The following CD82 variants were observed in gnomAD, a reference collection of about 807,000 sequenced individuals.
The protein encoded by CD82 is CD82 antigen.
A neutral mutation model predicts 37.4 loss-of-function variants in CD82; 36 were observed. The ratio of observed to expected loss-of-function variants is 0.96; its 90% CI spans 0.74 to 1.27. The LOEUF (loss-of-function observed/expected upper bound fraction) is 1.27. CD82 is among the 50% of genes most tolerant of loss of function. CD82 has a pLI of 0.00. For synonymous variants in CD82, 158 were observed against 137.4 expected (o/e 1.15, Z -1.05); for missense variants, 340 against 347.0 (o/e 0.98, Z 0.16).
intron 1 of CD82, among the ~76,000 whole-genome samples, chr11:44,583,730 A>T (rs1853013585): frequency 6.6e-6 from 1 of 152,230 alleles, no homozygotes; most frequent in Non-Finnish European, 1.5e-5. Flanking sequence ...TCTATCTGTT[A>T]AATGGGGATA....
At chr11:44,569,204 G>A (rs537770672) in intron 1 of CD82, among the ~76,000 whole-genome samples, 47 of 152,314 alleles carry the variant, frequency 3.1e-4, no homozygotes, top group Non-Finnish European at 5.4e-4. Flanking sequence ...TAAACATGGA[G>A]TGAGTGGTGT....
At chr11:44,577,436 G>A (rs377223852) in intron 1 of CD82, among the ~76,000 whole-genome samples, 51 of 152,254 alleles carry the variant, frequency 3.3e-4, no homozygotes, top group Non-Finnish European at 2.4e-4. Flanking sequence ...ACTCTCTCGG[G>A]TTCTGTGCAG....
chr11:44,589,626 C>G (rs918844212), intron 2 of CD82, among the ~76,000 whole-genome samples: 2 of 152,164 alleles, frequency 1.3e-5, no homozygotes, highest in African/African-American at 4.8e-5. Context: ...GGACGGGAGT[C>G]CAGTTGGGAG....
At chr11:44,566,792 G>A (rs1852741785) in intron 1 of CD82, among the ~76,000 whole-genome samples, 1 of 151,054 alleles carries the variant, frequency 6.6e-6, no homozygotes, top group Non-Finnish European at 1.5e-5. Flanking sequence ...TGGGGAATGA[G>A]CCTTTTTTTT....
At chr11:44,598,257 G>C (rs1853256375) in intron 3 of CD82, among the ~76,000 whole-genome samples, 1 of 152,108 alleles carries the variant, frequency 6.6e-6, no homozygotes, top group Non-Finnish European at 1.5e-5. Flanking sequence ...CTTTAAGGTA[G>C]CAAGTACAAG....
intron 1 of CD82, among the ~76,000 whole-genome samples, chr11:44,567,424 G>A (rs1852752009): frequency 6.6e-6 from 1 of 150,888 alleles, no homozygotes; most frequent in African/African-American, 2.4e-5. Flanking sequence ...AGAAGAGTGA[G>A]ACACTTGAGA....
intron 1 of CD82, among the ~76,000 whole-genome samples, chr11:44,577,166 G>A (rs748012313): frequency 2.0e-5 from 3 of 152,274 alleles, no homozygotes; most frequent in African/African-American, 7.2e-5. Context: ...GGCCTTGCAC[G>A]TGAGGTCCTT....
Position 44,618,147 on chromosome 11 carries a change from C to T in CD82, c.439-15C>T, listed in dbSNP as rs1285146559. The stretch of plus-strand genomic sequence containing the variant: ...GAGCCGTGAGCACAAGCAGTCTGTC[C>T]CCTGCCTTGCCCAGGTGAAGTGCTG... On this transcript the variant is annotated splice_polypyrimidine_tract_variant and intron_variant, in intron 7 of 9. Coordinates refer to ENST00000227155, the MANE Select transcript of CD82 (RefSeq NM_002231.4). 6.2e-7 allele frequency: 1 copy of T among 1,612,704 alleles called. No individual in the cohort carries two copies. Among genetic ancestry groups the T allele is most frequent in the African/African-American group, 1.3e-5 (1 of 74,904 alleles).
At chr11:44,588,619 A>G (rs1853095890) in intron 2 of CD82, among the ~76,000 whole-genome samples, 1 of 152,224 alleles carries the variant, frequency 6.6e-6, no homozygotes, top group Non-Finnish European at 1.5e-5. Flanking sequence ...AGGAGGCATT[A>G]GAACTGCATT....
intron 1 of CD82, among the ~76,000 whole-genome samples, chr11:44,586,069 A>C (rs1438711043): frequency 6.6e-6 from 1 of 152,110 alleles, no homozygotes; most frequent in Non-Finnish European, 1.5e-5. Flanking sequence ...TGAGGAGCAG[A>C]GGGGCTGGCC....
At chr11:44,593,809 AT>A (rs36113314) in intron 2 of CD82, among the ~76,000 whole-genome samples, 5 of 152,138 alleles carry the variant, frequency 3.3e-5, no homozygotes, top group African/African-American at 1.2e-4. Flanking sequence ...CTACACATGA[AT>A]TTTTTGGGGG....
intron 3 of CD82, among the ~76,000 whole-genome samples, chr11:44,599,823 G>A (rs1853280801): frequency 6.6e-6 from 1 of 152,258 alleles, no homozygotes. Context: ...CCTGAACTGG[G>A]TGGAGTCGGG....
At chr11:44,579,069 A>G (rs1472728287) in intron 1 of CD82, among the ~76,000 whole-genome samples, 1 of 152,108 alleles carries the variant, frequency 6.6e-6, no homozygotes, top group Non-Finnish European at 1.5e-5. Context: ...GGACCAGAGC[A>G]CTGCAGTGCC....
In CD82 at chr11:44,620,333, A is replaced by C. The variant is rs1005152126; in HGVS notation, c.*1207A>C. On this transcript the variant is annotated 3_prime_UTR_variant, in exon 10 of 10. Transcript: ENST00000227155. ...TTCTGTAAAACACACTCAAGATTCT[A>C]AGACTATTAAAGAGGATTTATAACA... is the stretch of plus-strand genomic sequence containing the variant. The C allele has an allele frequency of 6.6e-6, 1 of 152,100 alleles. No homozygotes were observed. Among genetic ancestry groups the C allele is most frequent in the Non-Finnish European group, 1.5e-5 (1 of 68,040 alleles). 9.4% of individuals were successfully genotyped at this position (152,100 alleles called of 1,614,324 possible).
At chr11:44,589,253 G>A (rs1351658267) in intron 2 of CD82, among the ~76,000 whole-genome samples, 1 of 152,068 alleles carries the variant, frequency 6.6e-6, no homozygotes. Flanking sequence ...AAGAGCAAGA[G>A]TGCCTCAAAA....
At chr11:44,572,418 C>A (rs556501332) in intron 1 of CD82, among the ~76,000 whole-genome samples, 1 of 152,218 alleles carries the variant, frequency 6.6e-6, no homozygotes, top group South Asian at 2.1e-4. Context: ...CTATAAAAAA[C>A]ATACCACACA....
chr11:44,604,733 T>G, intron 4 of CD82: 1 of 372,872 alleles, frequency 2.7e-6, no homozygotes. Flanking sequence ...CTCAGGTCCT[T>G]GGTGGAGGGG....
In CD82 at chr11:44,614,973, G is replaced by T. The variant is rs540140280; in HGVS notation, c.337-299G>T. Among the ~76,000 whole-genome samples, 528 of 152,286 alleles carry T rather than the reference G, an allele frequency of 3.5e-3. 7 individuals are homozygous for T. Among genetic ancestry groups the T allele is most frequent in the African/African-American group, 0.011 (466 of 41,542 alleles). ...GTAGGACCTCCTAGGCTGTTATGGG[G>T]ACAATGACGGTGGGAACTGCCCTGG... On this transcript the variant is annotated intron_variant, in intron 6 of 9. Transcript: ENST00000227155.
intron 6 of CD82, among the ~76,000 whole-genome samples, chr11:44,610,538 C>G (rs1290144401): frequency 6.6e-6 from 1 of 152,194 alleles, no homozygotes; most frequent in East Asian, 1.9e-4. Flanking sequence ...AGTCAAAGCT[C>G]AGCATTTGGG....
Sources: allele counts gnomAD v4.1 joint callset (sites outside exome capture counted in the v4.1 genomes callset), GRCh38; gene constraint gnomAD v4.1.1; transcripts MANE v1.5; gene names NCBI Gene and HGNC (gene_info 2026-07-23, HGNC 2026-07-21).